Variants in WWC2 observed in about 807,000 individuals in gnomAD.
WWC2 encodes the protein WW and C2 domain containing 2.
A neutral mutation model predicts 138.5 loss-of-function variants in WWC2; 101 were observed. The ratio of observed to expected loss-of-function variants is 0.73; its 90% CI spans 0.62 to 0.86. The LOEUF (loss-of-function observed/expected upper bound fraction) is 0.86. Ranked by LOEUF, WWC2 falls within the 40% of genes least tolerant of loss-of-function variation. WWC2 has a pLI of 0.00. For synonymous variants in WWC2, 558 were observed against 538.4 expected, an observed-to-expected ratio of 1.04 and a Z score of -0.50; for missense variants, 1,420 against 1,419.4, an observed-to-expected ratio of 1.00 and a Z score of -0.01.
chr4:183,223,971 TC>T (rs200566265), intron 4 of WWC2, among the ~76,000 whole-genome samples: 1,557 of 152,072 alleles, frequency 0.01, 30 homozygotes, highest in African/African-American at 0.036. Flanking sequence ...CCTCAGGCTA[TC>T]CCCCCCACCT....
intron 1 of WWC2, among the ~76,000 whole-genome samples, chr4:183,171,055 A>G (rs1734264099): frequency 1.3e-5 from 2 of 152,192 alleles, no homozygotes; most frequent in African/African-American, 4.8e-5. Context: ...TTCAGATGCA[A>G]CCATAAGGAA....
At chr4:183,168,197 G>C (rs1244153376) in intron 1 of WWC2, among the ~76,000 whole-genome samples, 3 of 73,770 alleles carry the variant, frequency 4.1e-5, no homozygotes, top group Non-Finnish European at 9.0e-5. Context: ...TTTTTTTTAA[G>C]ATTTAGAAAG....
At chr4:183,301,325 C>T (rs143214714) in intron 21 of WWC2, among the ~76,000 whole-genome samples, 1 of 152,140 alleles carries the variant, frequency 6.6e-6, no homozygotes, top group South Asian at 2.1e-4. Context: ...CATAAATTCA[C>T]AAGCTCCAGC....
intron 1 of WWC2, among the ~76,000 whole-genome samples, chr4:183,154,026 A>AAAAAAAAAAAAAC (rs1561438959): frequency 6.9e-6 from 1 of 145,596 alleles, no homozygotes; most frequent in African/African-American, 2.8e-5. Context: ...AAAAAAAAAA[A>AAAAAAAAAAAAAC]AACCCCAAAT....
Position 183,286,001 on chromosome 4 carries a change from C to G in WWC2, c.3083C>G (p.Ala1028Gly), listed in dbSNP as rs145811419. Residue 1028 changes from alanine (A) to glycine (G), a missense_variant, in exon 20 of 23, where the codon GCT becomes GGT. Coordinates refer to ENST00000403733, the MANE Select transcript of WWC2 (RefSeq NM_024949.6). ...AGTGACAGTGACAGTTCAACCCTGG[C>G]TAAAAAATCACTGTTTGTGAGAAAC... ...NRSDSDSSTLAKKSLFVRNST... is the reference protein window; with the variant it reads ...NRSDSDSSTLGKKSLFVRNST... The G allele has an allele frequency of 1.3e-6, 2 of 1,595,572 alleles. No individual in the cohort carries two copies. The highest frequency in any genetic ancestry group is 1.7e-5 in the Admixed American group (1 of 57,364).
chr4:183,297,759 G>C (rs1318497124), intron 21 of WWC2, among the ~76,000 whole-genome samples: 1 of 152,222 alleles, frequency 6.6e-6, no homozygotes, highest in Non-Finnish European at 1.5e-5. Context: ...TGCAGCCCAG[G>C]GGAGCTGAAG....
intron 1 of WWC2, among the ~76,000 whole-genome samples, chr4:183,114,914 C>T (rs553383931): frequency 8.5e-5 from 13 of 152,202 alleles, no homozygotes; most frequent in African/African-American, 1.7e-4. Flanking sequence ...CTCTGCCTCC[C>T]GGGTTCAAGC....
chr4:183,187,526 C>G (rs1007897704), intron 1 of WWC2, among the ~76,000 whole-genome samples: 9 of 141,672 alleles, frequency 6.4e-5, no homozygotes, highest in Non-Finnish European at 9.1e-5. Context: ...GCACTCTAGC[C>G]TGGGCGACAG....
chr4:183,193,847 G>C, intron 2 of WWC2, 139 bp downstream of exon 2: 1 of 736,652 alleles, frequency 1.4e-6, no homozygotes, highest in Non-Finnish European at 2.3e-6. Flanking sequence ...TAACTGAAGT[G>C]CCTGTCTTGG....
intron 3 of WWC2, among the ~76,000 whole-genome samples, chr4:183,208,393 A>T (rs1735504464): frequency 6.6e-6 from 1 of 152,222 alleles, no homozygotes. Flanking sequence ...TGCCTCTGCC[A>T]GGTTGCCTTT....
chr4:183,235,765 G>T (rs1736404549), intron 4 of WWC2, among the ~76,000 whole-genome samples: 1 of 151,996 alleles, frequency 6.6e-6, no homozygotes, highest in African/African-American at 2.4e-5. Flanking sequence ...TCTATATCTT[G>T]GCTATTGTGA....
intron 9 of WWC2, among the ~76,000 whole-genome samples, chr4:183,256,355 T>C (rs1199287393): frequency 6.6e-6 from 1 of 152,232 alleles, no homozygotes; most frequent in Non-Finnish European, 1.5e-5. Flanking sequence ...TTGGGAACAC[T>C]GAATCCTTTC....
chr4:183,197,390 A>G (rs955913246), intron 2 of WWC2, among the ~76,000 whole-genome samples: 1 of 152,228 alleles, frequency 6.6e-6, no homozygotes, highest in Non-Finnish European at 1.5e-5. Flanking sequence ...TGTTCCACAC[A>G]TATGTTGTGT....
chr4:183,102,858 T>A (rs1743223335), intron 1 of WWC2, among the ~76,000 whole-genome samples: 1 of 150,986 alleles, frequency 6.6e-6, no homozygotes, highest in Non-Finnish European at 1.5e-5. Flanking sequence ...CTTGGCCAAA[T>A]GGCCTGGTGC....
At chr4:183,176,446 G>A (rs1010183698) in intron 1 of WWC2, among the ~76,000 whole-genome samples, 2 of 151,754 alleles carry the variant, frequency 1.3e-5, no homozygotes, top group African/African-American at 2.4e-5. Context: ...TTTTTGAGAC[G>A]CAGTATCACT....
chr4:183,306,388 A>G (rs962279558), intron 21 of WWC2, among the ~76,000 whole-genome samples: 18 of 152,260 alleles, frequency 1.2e-4, no homozygotes, highest in African/African-American at 4.3e-4. Flanking sequence ...TAGGAAGCCC[A>G]CTTTAAACAT....
Position 183,257,965 on chromosome 4 carries a change from A to G in WWC2, c.1197-1674A>G, listed in dbSNP as rs1170427096. ...TTCAAAGCAGACATTAAAGGGCTGG[A>G]AGAGCAGCTGCCGAGCATCACCTGG... On this transcript the variant is annotated intron_variant, in intron 9 of 22. Coordinates refer to ENST00000403733, the MANE Select transcript of WWC2 (RefSeq NM_024949.6). Among the ~76,000 whole-genome samples the G allele has an allele frequency of 2.6e-5, 4 of 152,202 alleles. 1 individual carries two copies. The highest frequency in any genetic ancestry group is 5.9e-5 in the Non-Finnish European group (4 of 68,032).
At chr4:183,134,658 AT>A (rs1733054379) in intron 1 of WWC2, among the ~76,000 whole-genome samples, 1 of 151,824 alleles carries the variant, frequency 6.6e-6, no homozygotes, top group Non-Finnish European at 1.5e-5. Context: ...TAGTTTGTGA[AT>A]TTTTTCACAT....
intron 21 of WWC2, among the ~76,000 whole-genome samples, chr4:183,306,885 A>AAAAAAAAAC (rs1739040113): frequency 1.3e-5 from 2 of 151,172 alleles, no homozygotes; most frequent in Non-Finnish European, 3.0e-5. Context: ...ATGAGGCAAA[A>AAAAAAAAAC]AAAAAAAAAA....
Sources: allele counts gnomAD v4.1 joint callset (sites outside exome capture counted in the v4.1 genomes callset), GRCh38; gene constraint gnomAD v4.1.1; transcripts MANE v1.5; gene names NCBI Gene and HGNC (gene_info 2026-07-23, HGNC 2026-07-21).